POLQ: variants seen among roughly 807,000 people sequenced by gnomAD.
POLQ encodes the protein epididymis secretory sperm binding protein.
POLQ carries 233 observed loss-of-function variants against 259.2 expected under a neutral mutation model. The ratio of observed to expected loss-of-function variants is 0.90; its 90% confidence interval spans 0.81 to 1.00. POLQ has a LOEUF of 1.00. Among genes scored for constraint, POLQ ranks in the 50% least tolerant of loss-of-function variants. The pLI is 0.00. For synonymous variants in POLQ, 1,025 were observed against 1,048.8 expected, an observed-to-expected ratio of 0.98 and a Z score of 0.44; for missense variants, 2,871 against 3,051.6, an observed-to-expected ratio of 0.94 and a Z score of 1.39.
chr3:121,509,558 T>C lies in POLQ; in HGVS notation c.1959+3A>G, dbSNP rs747014350. ...CAAACATAATTGTTAAAACAGAACTTACCAGATAGAGAATATGAAGATCAT... is the reference window on the plus strand; with the variant it reads ...CAAACATAATTGTTAAAACAGAACTCACCAGATAGAGAATATGAAGATCAT... On this transcript the variant is annotated splice_donor_region_variant and intron_variant, in intron 12 of 29. Coordinates refer to ENST00000264233, the MANE Select transcript of POLQ (RefSeq NM_199420.4). 107 of 1,608,654 alleles carry C rather than the reference T, an allele frequency of 6.7e-5. 1 individual carries two copies. In the South Asian group the frequency reaches 1.1e-3, roughly 17 times the overall value.
rs530063999 is a variant in POLQ, at chr3:121,506,189, G to A, written c.1959+3372C>T. On this transcript the variant is annotated intron_variant, in intron 12 of 29. Transcript: ENST00000264233. ...TACAATAAGCAAAGTCAAAAGACAA[G>A]TGAAAAATCAAGAGGAAAATCATTC... Among the ~76,000 whole-genome samples the A allele has an allele frequency of 2.6e-5, 4 of 152,048 alleles. No homozygotes were observed. In the East Asian group the frequency reaches 7.7e-4, roughly 29 times the overall value.
intron 26 of POLQ, among the ~76,000 whole-genome samples, chr3:121,441,740 C>T (rs1156872878): frequency 1.3e-5 from 2 of 152,098 alleles, no homozygotes; most frequent in Admixed American, 1.3e-4. Flanking sequence ...ATTTTTCTTG[C>T]ACAAATACGA....
intron 12 of POLQ, 63 bp downstream of exon 12, chr3:121,509,498 A>T (rs1486583242): frequency 6.4e-6 from 9 of 1,397,924 alleles, no homozygotes; most frequent in Non-Finnish European, 8.9e-6. Context: ...TTTGATGTTC[A>T]GGATTATATA....
At chr3:121,456,295 T>G (rs902338086) in intron 25 of POLQ, among the ~76,000 whole-genome samples, 7 of 151,978 alleles carry the variant, frequency 4.6e-5, no homozygotes, top group African/African-American at 1.7e-4. Flanking sequence ...GGGCAAAAAC[T>G]GGAAGCATTC....
Position 121,522,072 on chromosome 3 carries a change from G to A in POLQ, c.1186C>T (p.Arg396Cys), listed in dbSNP as rs774439685. 8.1e-6 allele frequency: 13 copies of A among 1,609,600 alleles called. No individual in the cohort carries two copies. The highest frequency in any genetic ancestry group is 4.5e-5 in the East Asian group (2 of 44,584). ...ELLEVMDQLR[R>C]LPSGLDSVLQ... ...ACAGAGTCCAGTCCTGAAGGCAAAC[G>A]TCTTAACTGATCCATCACTTCCAGG... is the stretch of plus-strand genomic sequence containing the variant. Residue 396 changes from arginine (R) to cysteine (C), a missense_variant, in exon 8 of 30, where the codon CGT (arginine) becomes TGT (cysteine). Physicochemically the swap from Arg to Cys is radical, Grantham distance 180. Coordinates refer to ENST00000264233, the MANE Select transcript of POLQ (RefSeq NM_199420.4).
Position 121,544,924 on chromosome 3 carries a change from A to C in POLQ, c.164-18T>G, listed in dbSNP as rs1336393552. The C allele has an allele frequency of 2.6e-6, 4 of 1,510,578 alleles. No homozygotes were observed. The highest frequency in any genetic ancestry group is 3.6e-6 in the Non-Finnish European group (4 of 1,105,516). The allele number at this position is 1,510,578 out of a possible 1,614,324, so 93.6% of individuals were successfully genotyped here. On this transcript the variant is annotated intron_variant, in intron 1 of 29. Coordinates refer to ENST00000264233, the MANE Select transcript of POLQ (RefSeq NM_199420.4). ...GCATTCTCCTTTTAGGAAAAAGAAA[A>C]AATTAAAATTTAATTTACTTCTAAT... is the stretch of plus-strand genomic sequence containing the variant.
chr3:121,536,669 T>C (rs182366468), intron 5 of POLQ, among the ~76,000 whole-genome samples: 5 of 152,294 alleles, frequency 3.3e-5, no homozygotes, highest in Admixed American at 6.5e-5. Flanking sequence ...GTTAGAGACA[T>C]GGTCTTGCTC....
chr3:121,435,097 G>A (rs577466528), intron 28 of POLQ, among the ~76,000 whole-genome samples: 2 of 152,342 alleles, frequency 1.3e-5, no homozygotes, highest in South Asian at 4.2e-4. Context: ...CCAGGAGGCA[G>A]AGGTTGCAGT....
chr3:121,457,426 C>A (rs572408375), intron 25 of POLQ, among the ~76,000 whole-genome samples: 1 of 152,174 alleles, frequency 6.6e-6, no homozygotes, highest in Non-Finnish European at 1.5e-5. Context: ...GCAAAAGAAG[C>A]TACCATCAGA....
intron 22 of POLQ, among the ~76,000 whole-genome samples, chr3:121,470,521 A>G (rs2047875210): frequency 1.3e-5 from 2 of 152,188 alleles, no homozygotes; most frequent in Non-Finnish European, 2.9e-5. Context: ...TCTAGGAGCC[A>G]TGCACTATTC....
chr3:121,458,013 A>G lies in POLQ; in HGVS notation c.7152+2037T>C, dbSNP rs555498873. ...ATGTCCAACAATGATAGACTAGATT[A>G]AGAAAATGTGGCACATATACACCAT... is the stretch of plus-strand genomic sequence containing the variant. On this transcript the variant is annotated intron_variant, in intron 25 of 29. Transcript: ENST00000264233. Among the ~76,000 whole-genome samples the G allele has an allele frequency of 3.4e-3, 512 of 152,368 alleles. 5 individuals carry two copies. Among genetic ancestry groups the G allele is most frequent in the African/African-American group, 0.01 (419 of 41,584 alleles).
intron 5 of POLQ, among the ~76,000 whole-genome samples, chr3:121,536,340 C>T (rs898049170): frequency 1.3e-5 from 2 of 152,000 alleles, no homozygotes; most frequent in African/African-American, 2.4e-5. Flanking sequence ...AGATCTTCAT[C>T]TTTCATAGTA....
intron 23 of POLQ, among the ~76,000 whole-genome samples, chr3:121,468,054 A>C: frequency 6.6e-6 from 1 of 152,150 alleles, no homozygotes; most frequent in East Asian, 1.9e-4. Flanking sequence ...CAAACAAAGA[A>C]AACCAAATCT....
At chr3:121,528,622 C>G (rs1480984630) in intron 7 of POLQ, among the ~76,000 whole-genome samples, 1 of 151,932 alleles carries the variant, frequency 6.6e-6, no homozygotes, top group Non-Finnish European at 1.5e-5. Context: ...GGATTACAGG[C>G]ATGAGCCACC....
intron 14 of POLQ, among the ~76,000 whole-genome samples, 164 bp from the exon 15 acceptor site, chr3:121,493,885 C>A (rs2048092443): frequency 6.6e-6 from 1 of 152,066 alleles, no homozygotes; most frequent in Non-Finnish European, 1.5e-5. Flanking sequence ...ATATTAAGAG[C>A]CTTAACTAAT....
chr3:121,464,913 G>C (rs1163414815), intron 24 of POLQ, among the ~76,000 whole-genome samples: 1 of 152,000 alleles, frequency 6.6e-6, no homozygotes, highest in Non-Finnish European at 1.5e-5. Context: ...AGTAACATAA[G>C]AATTAGTAAA....
chr3:121,455,842 C>T, intron 25 of POLQ, among the ~76,000 whole-genome samples: 1 of 152,162 alleles, frequency 6.6e-6, no homozygotes, highest in Non-Finnish European at 1.5e-5. Flanking sequence ...TGAAGCTATT[C>T]CAATCAATAG....
intron 5 of POLQ, 28 bp downstream of exon 5, chr3:121,537,072 C>G (rs753916804): frequency 9.6e-7 from 1 of 1,039,024 alleles, no homozygotes; most frequent in Non-Finnish European, 1.5e-6. Context: ...TTTGAAATCT[C>G]AGGAACTCAG....
rs1271386920 is a variant in POLQ, at chr3:121,458,002, T to C, written c.7152+2048A>G. ...AACCAACCCAAATGTCCAACAATGA[T>C]AGACTAGATTAAGAAAATGTGGCAC... On this transcript the variant is annotated intron_variant, in intron 25 of 29. Coordinates refer to ENST00000264233, the MANE Select transcript of POLQ (RefSeq NM_199420.4). Among the ~76,000 whole-genome samples the C allele has an allele frequency of 2.6e-5, 4 of 152,128 alleles. No homozygotes were observed. In the East Asian group the frequency reaches 7.7e-4, roughly 29 times the overall value.
Sources: gnomAD v4.1 joint callset for allele counts (sites outside exome capture counted in the v4.1 genomes callset) on GRCh38, gnomAD v4.1.1 for gene constraint, MANE v1.5 for transcripts, NCBI Gene and HGNC (gene_info 2026-07-23, HGNC 2026-07-21) for gene names.